Variants in LGR6 observed in about 807,000 individuals in gnomAD.
The protein encoded by LGR6 is leucine rich repeat containing G protein-coupled receptor 6, also known as leucine-rich repeat-containing G protein-coupled receptor 6.
Under a neutral mutation model 69.4 loss-of-function variants are expected in LGR6, and 45 were observed. The ratio of observed to expected loss-of-function variants is 0.65; its 90% confidence interval spans 0.51 to 0.83. The LOEUF is 0.83. Ranked by LOEUF, LGR6 falls within the 40% of genes least tolerant of loss-of-function variation. The pLI, the probability that LGR6 is intolerant of heterozygous loss-of-function variation, is 0.00. For missense variants in LGR6, 1,108 were observed against 1,246.7 expected (o/e 0.89, Z 1.68); for synonymous variants, 538 against 555.0 (o/e 0.97, Z 0.43).
rs905752366 is a variant in LGR6 at position 202,268,819 on chromosome 1, A to G, written c.429-7487A>G. ...TTAGTTTGGGAGCAGAGCCGACCTC[A>G]TGGGCCTGCGACCTGTGTGGTTGCC... On this transcript the variant is annotated intron_variant, in intron 4 of 17. Transcript: ENST00000367278. The surrounding 1 kb of genome is among the most constrained non-coding windows in gnomAD (Gnocchi z 4.4). 6.6e-6 allele frequency among the ~76,000 whole-genome samples: 1 copy of G among 152,192 alleles called. No homozygotes were observed. Among genetic ancestry groups the G allele is most frequent in the African/African-American group, 2.4e-5 (1 of 41,448 alleles).
At chr1:202,218,124 C>G (rs1332469308) in intron 1 of LGR6, among the ~76,000 whole-genome samples, 1 of 152,164 alleles carries the variant, frequency 6.6e-6, no homozygotes, top group Non-Finnish European at 1.5e-5. Context: ...GAGCATCCCC[C>G]AGGATTTTAG....
At chr1:202,270,236 TTTTTGC>T (rs1406454303) in intron 4 of LGR6, among the ~76,000 whole-genome samples, 5 of 151,108 alleles carry the variant, frequency 3.3e-5, no homozygotes, top group Non-Finnish European at 7.4e-5. Flanking sequence ...TTTGTTTTTG[TTTTTGC>T]TTTTGTTTTT....
At chr1:202,223,317 C>T (rs947224269) in intron 1 of LGR6, among the ~76,000 whole-genome samples, 1 of 152,230 alleles carries the variant, frequency 6.6e-6, no homozygotes, top group East Asian at 1.9e-4. Flanking sequence ...TGTCTTCCTT[C>T]CTTGGAGGAC....
chr1:202,205,078 TC>T (rs1403430176), intron 1 of LGR6, among the ~76,000 whole-genome samples: 11,867 of 72,126 alleles, frequency 0.16, 5 homozygotes, highest in African/African-American at 0.19. Flanking sequence ...AACACACACC[TC>T]CTCCACACAC....
intron 1 of LGR6, among the ~76,000 whole-genome samples, chr1:202,202,662 G>T (rs1280457977): frequency 6.6e-6 from 1 of 152,240 alleles, no homozygotes; most frequent in Non-Finnish European, 1.5e-5. Flanking sequence ...GGGAGCTATG[G>T]TTATTATCTA....
At chr1:202,201,878 A>G (rs1463308683) in intron 1 of LGR6, among the ~76,000 whole-genome samples, 1 of 152,180 alleles carries the variant, frequency 6.6e-6, no homozygotes, top group African/African-American at 2.4e-5. Flanking sequence ...TGTGGAGATT[A>G]TCATCAGCGT....
chr1:202,275,071 G>A (rs921300380), intron 4 of LGR6, among the ~76,000 whole-genome samples: 3 of 152,294 alleles, frequency 2.0e-5, no homozygotes, highest in South Asian at 2.1e-4. Flanking sequence ...CTACAAGGGG[G>A]CTTGTGCTGT....
At chr1:202,203,650 C>G in intron 1 of LGR6, 1 of 640,956 alleles carries the variant, frequency 1.6e-6, no homozygotes, top group East Asian at 2.7e-5. Flanking sequence ...ATAAGACAAG[C>G]GCAAATAACT....
chr1:202,286,298 T>G (rs1030826031), intron 6 of LGR6, among the ~76,000 whole-genome samples: 3 of 152,220 alleles, frequency 2.0e-5, no homozygotes, highest in African/African-American at 7.2e-5. Flanking sequence ...CAGATGAATC[T>G]CGCAAATTTG....
intron 1 of LGR6, among the ~76,000 whole-genome samples, chr1:202,204,246 TC>T (rs1658943306): frequency 1.0e-5 from 1 of 98,124 alleles, no homozygotes; most frequent in Admixed American, 1.1e-4. Flanking sequence ...CACACACACC[TC>T]CACACACAAC....
At chr1:202,215,700 C>T (rs1013015971) in intron 1 of LGR6, among the ~76,000 whole-genome samples, 3 of 152,170 alleles carry the variant, frequency 2.0e-5, no homozygotes, top group African/African-American at 4.8e-5. Context: ...GTCCAGGACC[C>T]GCAGGTGGGA....
chr1:202,237,824 C>G (rs1661713616), intron 4 of LGR6, among the ~76,000 whole-genome samples: 1 of 152,144 alleles, frequency 6.6e-6, no homozygotes, highest in African/African-American at 2.4e-5. Flanking sequence ...GCCTGTGTGA[C>G]AGAAAATGTG....
At chr1:202,315,478 T>A (rs551895501) in intron 17 of LGR6, among the ~76,000 whole-genome samples, 1 of 152,368 alleles carries the variant, frequency 6.6e-6, no homozygotes, top group South Asian at 2.1e-4. Context: ...AAAATTCTCT[T>A]TCTCTTTGGT....
At chr1:202,311,989 G>T (rs1310192010) in intron 16 of LGR6, among the ~76,000 whole-genome samples, 1 of 152,222 alleles carries the variant, frequency 6.6e-6, no homozygotes, top group Non-Finnish European at 1.5e-5. Context: ...GCTGTCCCCG[G>T]GGGACATTCC....
At chr1:202,238,330 G>C (rs1289245694) in intron 4 of LGR6, among the ~76,000 whole-genome samples, 1 of 150,670 alleles carries the variant, frequency 6.6e-6, no homozygotes, top group Non-Finnish European at 1.5e-5. Context: ...TCGAACTCCT[G>C]AGCCAAAGCA....
At chr1:202,308,305 G>A (rs1186605259) in intron 14 of LGR6, among the ~76,000 whole-genome samples, 1 of 152,168 alleles carries the variant, frequency 6.6e-6, no homozygotes, top group Non-Finnish European at 1.5e-5. Context: ...TAGGTAGGGT[G>A]GATATTTTTA....
rs747900708 is a variant in LGR6, at chr1:202,227,895, G to T, written c.285-41G>T. 2.7e-6 allele frequency: 4 copies of T among 1,488,534 alleles called. No homozygotes were observed. In the South Asian group the frequency reaches 3.4e-5, roughly 13 times the overall value. 92.2% of individuals were successfully genotyped at this position (1,488,534 alleles called of 1,614,324 possible). A position where few individuals can be genotyped will look rare whatever the true frequency, so the allele number is the denominator to read the frequency against. The stretch of plus-strand genomic sequence containing the variant: ...CTTATGGAGGTCACCACCTCCTTGG[G>T]TTACCTGCCAACATCGCTGACCCTT... On this transcript the variant is annotated intron_variant, in intron 2 of 17. Coordinates refer to ENST00000367278, the MANE Select transcript of LGR6 (RefSeq NM_001017403.2).
At chr1:202,257,958 G>A (rs960641983) in intron 4 of LGR6, among the ~76,000 whole-genome samples, 1 of 151,982 alleles carries the variant, frequency 6.6e-6, no homozygotes, top group Non-Finnish European at 1.5e-5. Flanking sequence ...GATATTTTCC[G>A]ATTTATTTAG....
Position 202,228,010 on chromosome 1 carries a change from A to C in LGR6, c.356+3A>C. 1 of 1,603,156 alleles carries C rather than the reference A, an allele frequency of 6.2e-7. No homozygotes were observed. The highest frequency in any genetic ancestry group is 8.5e-7 in the Non-Finnish European group (1 of 1,170,050). The stretch of plus-strand genomic sequence containing the variant: ...GGTCTCTACAGCCTGAAAATCCTGT[A>C]AGTATAGGTACACCTCATTTTACAT... On this transcript the variant is annotated splice_donor_region_variant and intron_variant, in intron 3 of 17. Coordinates refer to ENST00000367278, the MANE Select transcript of LGR6 (RefSeq NM_001017403.2).
Sources: allele counts gnomAD v4.1 joint callset (sites outside exome capture counted in the v4.1 genomes callset), GRCh38; gene constraint gnomAD v4.1.1; non-coding constraint Gnocchi (gnomAD v3.1); transcripts MANE v1.5; gene names NCBI Gene and HGNC (gene_info 2026-07-23, HGNC 2026-07-21).